The following MINDY3 variants were observed in gnomAD, a reference collection of about 807,000 sequenced individuals.
The protein encoded by MINDY3 is ubiquitin carboxyl-terminal hydrolase MINDY-3.
Under a neutral mutation model 69.2 loss-of-function variants are expected in MINDY3, and 38 were observed. The observed-to-expected ratio is 0.55, with a 90% confidence interval of 0.42 to 0.72. The LOEUF is 0.72. Among genes scored for constraint, MINDY3 ranks in the 30% least tolerant of loss-of-function variants. MINDY3 has a pLI of 0.00. For synonymous variants in MINDY3, 192 were observed against 180.1 expected, an observed-to-expected ratio of 1.07 and a Z score of -0.53; for missense variants, 522 against 519.0, an observed-to-expected ratio of 1.01 and a Z score of -0.06.
chr10:15,784,369 A>G lies in MINDY3; in HGVS notation c.1117-2143T>C, dbSNP rs560471927. ...CCACAGGACCTACTTGAAGCATTGT[A>G]AAGATTACCGAAGTTAAATATTTTC... On this transcript the variant is annotated intron_variant, in intron 13 of 14. Transcript: ENST00000277632. Among the ~76,000 whole-genome samples the G allele has an allele frequency of 3.3e-5, 5 of 152,324 alleles. No individual in the cohort carries two copies. The South Asian group carries it at 1.0e-3, about 32-fold the overall frequency.
At chr10:15,822,454 G>A (rs1839832671) in intron 8 of MINDY3, among the ~76,000 whole-genome samples, 1 of 152,078 alleles carries the variant, frequency 6.6e-6, no homozygotes, top group South Asian at 2.1e-4. Flanking sequence ...GCCAAAAAGA[G>A]GATGACAAGA....
intron 1 of MINDY3, among the ~76,000 whole-genome samples, chr10:15,856,624 T>C (rs948271158): frequency 3.3e-5 from 5 of 152,100 alleles, no homozygotes; most frequent in Non-Finnish European, 7.4e-5. Context: ...GCCACACCCA[T>C]ACTAACCATG....
At chr10:15,853,002 T>G (rs1834412075) in intron 1 of MINDY3, among the ~76,000 whole-genome samples, 1 of 151,996 alleles carries the variant, frequency 6.6e-6, no homozygotes, top group Non-Finnish European at 1.5e-5. Context: ...GGGGAAGTCG[T>G]GTGTAGGTTA....
intron 9 of MINDY3, among the ~76,000 whole-genome samples, chr10:15,820,927 T>A (rs181321686): frequency 6.6e-6 from 1 of 152,120 alleles, no homozygotes; most frequent in Non-Finnish European, 1.5e-5. Flanking sequence ...CTGGGCAACA[T>A]AGCAAGACCC....
Position 15,841,592 on chromosome 10 carries a change from C to T in MINDY3, c.243G>A (p.Glu81=). Residue 81 remains glutamate (E), a synonymous_variant, in exon 4 of 15, where the codon GAG becomes GAA. Coordinates refer to ENST00000277632, the MANE Select transcript of MINDY3 (RefSeq NM_024948.4). The stretch of plus-strand genomic sequence containing the variant: ...AGGTATGACAAAGGAGTTCCTTCTG[C>T]TCTTCCTCTAAAAATAACCAAAGCA... ...KSSWRDCSEE[E]QKELLCHTLC... 1.9e-6 allele frequency: 3 copies of T among 1,600,542 alleles called. No homozygotes were observed. The highest frequency in any genetic ancestry group is 2.6e-6 in the Non-Finnish European group (3 of 1,173,742).
chr10:15,792,687 T>C (rs1837509967), intron 11 of MINDY3, among the ~76,000 whole-genome samples: 1 of 151,660 alleles, frequency 6.6e-6, no homozygotes, highest in Non-Finnish European at 1.5e-5. Context: ...CAACATATTT[T>C]AGCAACTTAA....
intron 10 of MINDY3, among the ~76,000 whole-genome samples, chr10:15,815,005 A>C (rs1322589007): frequency 6.6e-6 from 1 of 152,224 alleles, no homozygotes; most frequent in Non-Finnish European, 1.5e-5. Flanking sequence ...AAGATTTAAA[A>C]TATTGTCATC....
At chr10:15,804,139 C>G (rs1156688520) in intron 10 of MINDY3, among the ~76,000 whole-genome samples, 1 of 151,944 alleles carries the variant, frequency 6.6e-6, no homozygotes, top group African/African-American at 2.4e-5. Context: ...AATTTATATT[C>G]AACCAATTTA....
intron 10 of MINDY3, 103 bp downstream of exon 10, chr10:15,816,732 G>A (rs1839396128): frequency 1.3e-6 from 1 of 770,588 alleles, no homozygotes; most frequent in Non-Finnish European, 2.2e-6. Context: ...CATTTGTTGT[G>A]GGAATAGACT....
At chr10:15,859,004 T>C (rs1457076312) in intron 1 of MINDY3, among the ~76,000 whole-genome samples, 2 of 152,146 alleles carry the variant, frequency 1.3e-5, no homozygotes, top group African/African-American at 4.8e-5. Context: ...AACAGAGGTA[T>C]ATTAGGAATC....
chr10:15,832,183 G>T (rs1840515255), intron 8 of MINDY3, among the ~76,000 whole-genome samples: 2 of 152,136 alleles, frequency 1.3e-5, no homozygotes, highest in African/African-American at 2.4e-5. Flanking sequence ...GAGAGAGAGT[G>T]ATGCGCTAAA....
At chr10:15,822,285 T>A (rs1375171658) in intron 8 of MINDY3, among the ~76,000 whole-genome samples, 1 of 152,134 alleles carries the variant, frequency 6.6e-6, no homozygotes, top group Non-Finnish European at 1.5e-5. Flanking sequence ...TTAGAAAGGC[T>A]ATGACTTTAC....
At chr10:15,842,284 A>C (rs188229618) in intron 3 of MINDY3, among the ~76,000 whole-genome samples, 1 of 152,028 alleles carries the variant, frequency 6.6e-6, no homozygotes, top group African/African-American at 2.4e-5. Flanking sequence ...GTCTCTCCTA[A>C]TGGATTAACA....
chr10:15,812,177 G>A (rs141913420), intron 10 of MINDY3, among the ~76,000 whole-genome samples: 2,295 of 152,206 alleles, frequency 0.015, 47 homozygotes, highest in African/African-American at 0.049. Context: ...CTGACCTCAC[G>A]TGATTCACCT....
intron 8 of MINDY3, among the ~76,000 whole-genome samples, chr10:15,832,922 C>A (rs925599548): frequency 1.3e-5 from 2 of 152,104 alleles, no homozygotes; most frequent in African/African-American, 4.8e-5. Context: ...GCTCTGGGAA[C>A]CCTGGAGCTT....
chr10:15,827,423 C>A (rs1028732304), intron 8 of MINDY3, among the ~76,000 whole-genome samples: 4 of 151,964 alleles, frequency 2.6e-5, no homozygotes, highest in Admixed American at 2.0e-4. Flanking sequence ...TACCTATAAT[C>A]CCAGCTACTC....
intron 1 of MINDY3, among the ~76,000 whole-genome samples, chr10:15,857,073 C>T (rs1292109690): frequency 6.6e-6 from 1 of 152,164 alleles, no homozygotes; most frequent in Non-Finnish European, 1.5e-5. Context: ...GAGTGAAAGT[C>T]CTTCTAATGG....
chr10:15,792,260 G>A (rs193150982), intron 11 of MINDY3, among the ~76,000 whole-genome samples: 24 of 152,196 alleles, frequency 1.6e-4, no homozygotes, highest in African/African-American at 5.5e-4. Context: ...TGGCTCCCCA[G>A]TGGGCAATGA....
At chr10:15,801,780 T>C (rs1305743471) in intron 10 of MINDY3, among the ~76,000 whole-genome samples, 2 of 152,068 alleles carry the variant, frequency 1.3e-5, no homozygotes, top group Non-Finnish European at 2.9e-5. Flanking sequence ...AACATATTCC[T>C]GCTAGAGAAC....
Sources: allele counts gnomAD v4.1 joint callset (sites outside exome capture counted in the v4.1 genomes callset), GRCh38; gene constraint gnomAD v4.1.1; transcripts MANE v1.5; gene names NCBI Gene and HGNC (gene_info 2026-07-23, HGNC 2026-07-21).